CFAP44: variants seen among roughly 807,000 people sequenced by gnomAD.
CFAP44 encodes cilia- and flagella-associated protein 44.
A neutral mutation model predicts 216.2 loss-of-function variants in CFAP44; 134 were observed. The ratio of observed to expected loss-of-function variants is 0.62; its 90% CI spans 0.54 to 0.72. The LOEUF is 0.72. CFAP44 is among the 30% of genes least tolerant of loss of function. CFAP44 has a pLI of 0.00. For synonymous variants in CFAP44, 700 were observed against 727.6 expected, an observed-to-expected ratio of 0.96 and a Z score of 0.61; for missense variants, 2,035 against 2,182.1, an observed-to-expected ratio of 0.93 and a Z score of 1.34.
Position 113,341,861 on chromosome 3 carries a change from G to A in CFAP44, c.3320C>T (p.Pro1107Leu), listed in dbSNP as rs902595229. The stretch of plus-strand genomic sequence containing the variant: ...CACGATGATTTCACTTAGGGTTTTA[G>A]GCCGAAATTTCTTCCCTTTTTCTAT... Reference protein sequence around the residue: ...SIIEKGKKFRPKTLSEIIVEN... With the variant: ...SIIEKGKKFRLKTLSEIIVEN... Residue 1107 changes from proline (P) to leucine (L), a missense_variant, in exon 24 of 35, where the codon CCT becomes CTT. Transcript: ENST00000393845. The A allele has an allele frequency of 4.6e-6, 7 of 1,531,698 alleles. No individual in the cohort carries two copies. The highest frequency in any genetic ancestry group is 1.7e-4 in the Middle Eastern group (1 of 5,978). 94.9% of individuals were successfully genotyped at this position (1,531,698 alleles called of 1,614,324 possible).
At chr3:113,426,948 T>C in intron 3 of CFAP44, 1 of 466,772 alleles carries the variant, frequency 2.1e-6, no homozygotes, top group South Asian at 3.1e-5. Flanking sequence ...GCAGTTTTTA[T>C]ACCTTCTTAA....
At position 113,341,856 on chromosome 3, in the gene CFAP44, T is replaced by A. The variant is rs754435998; in HGVS notation, c.3325A>T (p.Thr1109Ser). 1 of 1,532,692 alleles carries A rather than the reference T, an allele frequency of 6.5e-7. No individual in the cohort carries two copies. Among genetic ancestry groups the A allele is most frequent in the South Asian group, 1.2e-5 (1 of 82,174 alleles). The allele number at this position is 1,532,692 out of a possible 1,614,324, so 94.9% of individuals were successfully genotyped here. A position where few individuals can be genotyped will look rare whatever the true frequency, so the allele number is the denominator to read the frequency against. ...TTTTCCACGATGATTTCACTTAGGG[T>A]TTTAGGCCGAAATTTCTTCCCTTTT... Reference protein sequence around the residue: ...IEKGKKFRPKTLSEIIVENQI... With the variant: ...IEKGKKFRPKSLSEIIVENQI... Residue 1109 changes from threonine (T) to serine (S), a missense_variant, in exon 24 of 35, where the codon ACC becomes TCC. Physicochemically the swap from Thr to Ser is moderately conservative, Grantham distance 58. Coordinates refer to ENST00000393845, the MANE Select transcript of CFAP44 (RefSeq NM_001164496.2).
At chr3:113,333,123 C>T (rs764223848) in intron 25 of CFAP44, among the ~76,000 whole-genome samples, 9 of 152,226 alleles carry the variant, frequency 5.9e-5, no homozygotes, top group Non-Finnish European at 1.3e-4. Context: ...CCATACCTGT[C>T]AGGCAATACC....
At chr3:113,333,821 T>C (rs977914205) in intron 24 of CFAP44, among the ~76,000 whole-genome samples, 1 of 152,224 alleles carries the variant, frequency 6.6e-6, no homozygotes, top group African/African-American at 2.4e-5. Flanking sequence ...TAGATTGTAC[T>C]GAAATAATCT....
At chr3:113,306,050 A>G in intron 30 of CFAP44, 151 bp downstream of exon 30, 1 of 950,886 alleles carries the variant, frequency 1.1e-6, no homozygotes, top group Non-Finnish European at 1.5e-6. Flanking sequence ...GTCCCCCACC[A>G]CAATTTAGGG....
intron 6 of CFAP44, among the ~76,000 whole-genome samples, chr3:113,410,142 A>C (rs1043478731): frequency 4.6e-5 from 7 of 151,748 alleles, no homozygotes; most frequent in Non-Finnish European, 1.0e-4. Flanking sequence ...TTTCTTAATA[A>C]ACTTGTTTTC....
intron 22 of CFAP44, among the ~76,000 whole-genome samples, chr3:113,356,764 T>C (rs1397720411): frequency 6.6e-6 from 1 of 152,122 alleles, no homozygotes; most frequent in Non-Finnish European, 1.5e-5. Flanking sequence ...GTTCTTTAAG[T>C]ATAACACAAA....
intron 2 of CFAP44, 97 bp from the exon 3 acceptor site, chr3:113,427,436 A>C (rs1934992592): frequency 2.4e-6 from 2 of 850,670 alleles, no homozygotes; most frequent in Admixed American, 6.0e-5. Flanking sequence ...CTATAGATGT[A>C]ATAAATCTAA....
chr3:113,288,730 G>A lies in CFAP44; in HGVS notation c.*2827C>T, dbSNP rs17255413. 3,973 of 152,344 alleles carry A rather than the reference G, an allele frequency of 0.026. 82 individuals carry two copies. The highest frequency in any genetic ancestry group is 0.045 in the Non-Finnish European group (3,070 of 68,066). 9.4% of individuals were successfully genotyped at this position (152,344 alleles called of 1,614,324 possible). ...AGCACTGGAATCATAGCACTCAATG[G>A]ATTTAGCTCTAAAGAGAAATTTAGC... On this transcript the variant is annotated 3_prime_UTR_variant, in exon 35 of 35. Transcript: ENST00000393845.
chr3:113,400,801 G>A, intron 11 of CFAP44, 157 bp from the exon 12 acceptor site: 2 of 670,118 alleles, frequency 3.0e-6, no homozygotes, highest in Non-Finnish European at 4.9e-6. Flanking sequence ...CACTGGTTCA[G>A]AATTAGGAGA....
chr3:113,315,773 A>T (rs919176134), intron 28 of CFAP44, among the ~76,000 whole-genome samples: 4 of 152,260 alleles, frequency 2.6e-5, no homozygotes, highest in Admixed American at 2.6e-4. Flanking sequence ...TCAATAAATT[A>T]TATGAGATAT....
At chr3:113,382,156 G>T (rs1933531912) in intron 15 of CFAP44, among the ~76,000 whole-genome samples, 1 of 152,112 alleles carries the variant, frequency 6.6e-6, no homozygotes, top group African/African-American at 2.4e-5. Flanking sequence ...GGAGAGATTG[G>T]GAGAGCCTTA....
intron 28 of CFAP44, among the ~76,000 whole-genome samples, chr3:113,323,324 G>T (rs1420258413): frequency 6.6e-6 from 1 of 152,206 alleles, no homozygotes; most frequent in Non-Finnish European, 1.5e-5. Flanking sequence ...CAACATGGAT[G>T]GAGCTGGAGG....
intron 15 of CFAP44, 57 bp from the exon 16 acceptor site, chr3:113,381,117 TAA>T: frequency 8.1e-7 from 1 of 1,240,558 alleles, no homozygotes; most frequent in Non-Finnish European, 1.1e-6. Flanking sequence ...AAGCATAGTT[TAA>T]AGAGATTATA....
intron 17 of CFAP44, among the ~76,000 whole-genome samples, chr3:113,376,851 GATA>G (rs1222430416): frequency 2.0e-5 from 3 of 152,160 alleles, no homozygotes; most frequent in Admixed American, 2.0e-4. Flanking sequence ...GTATGCTCAT[GATA>G]ATAACTGAAT....
intron 15 of CFAP44, among the ~76,000 whole-genome samples, chr3:113,384,800 G>A (rs2107341857): frequency 6.6e-6 from 1 of 152,332 alleles, no homozygotes; most frequent in African/African-American, 2.4e-5. Context: ...ACAGTAATAA[G>A]TATCCAGTGG....
At chr3:113,306,634 T>C (rs1949988203) in intron 29 of CFAP44, among the ~76,000 whole-genome samples, 1 of 152,200 alleles carries the variant, frequency 6.6e-6, no homozygotes, top group Non-Finnish European at 1.5e-5. Flanking sequence ...ATTATTCCCA[T>C]ATATAGGTGA....
intron 4 of CFAP44, among the ~76,000 whole-genome samples, chr3:113,422,752 T>C (rs1347252383): frequency 6.6e-6 from 1 of 152,192 alleles, no homozygotes; most frequent in African/African-American, 2.4e-5. Flanking sequence ...CTAAAGCATG[T>C]TAGTAGCTAT....
At chr3:113,412,393 A>G (rs1422633297) in intron 6 of CFAP44, among the ~76,000 whole-genome samples, 1 of 150,436 alleles carries the variant, frequency 6.6e-6, no homozygotes, top group Admixed American at 6.6e-5. Flanking sequence ...CAATTCCATT[A>G]AATATATCTC....
Sources: gnomAD v4.1 joint callset for allele counts (sites outside exome capture counted in the v4.1 genomes callset) on GRCh38, gnomAD v4.1.1 for gene constraint, MANE v1.5 for transcripts, NCBI Gene and HGNC (gene_info 2026-07-23, HGNC 2026-07-21) for gene names.